Variants in PSMA2 observed in about 807,000 individuals in gnomAD.
PSMA2 encodes the protein proteasome subunit alpha type-2.
A neutral mutation model predicts 35.9 loss-of-function variants in PSMA2; 2 were observed. The ratio of observed to expected loss-of-function variants is 0.06; its 90% CI spans 0.02 to 0.18. The LOEUF (loss-of-function observed/expected upper bound fraction) is 0.18. Among genes scored for constraint, PSMA2 ranks in the 10% least tolerant of loss-of-function variants. The probability of loss-of-function intolerance (pLI) is 1.00; values close to 1 mark genes in which losing one functional copy is unlikely to be tolerated. For missense variants in PSMA2, 126 were observed against 278.8 expected, an observed-to-expected ratio of 0.45 and a Z score of 3.90; for synonymous variants, 97 against 98.2, an observed-to-expected ratio of 0.99 and a Z score of 0.07.
rs1007232184 is a variant in PSMA2 at position 42,923,460 on chromosome 7, C to T, written c.375-54G>A. 1.7e-5 allele frequency: 24 copies of T among 1,404,520 alleles called. No individual in the cohort carries two copies. The South Asian group carries it at 2.9e-4, about 17-fold the overall frequency. The allele number at this position is 1,404,520 out of a possible 1,614,324, so 87.0% of individuals were successfully genotyped here. A position where few individuals can be genotyped will look rare whatever the true frequency, so the allele number is the denominator to read the frequency against. On this transcript the variant is annotated intron_variant, in intron 4 of 7. Coordinates refer to ENST00000223321, the MANE Select transcript of PSMA2 (RefSeq NM_002787.5). ...GCATTTTCATGGTGTTAAAGTCATC[C>T]TCAAGAATTTATCAGTACTCTCAAA...
chr7:42,921,944 G>GA lies in PSMA2; in HGVS notation c.457-14dup, dbSNP rs1399472615. ...CAAAGTAAGCTCCCTAATCAGGAAA[G>GA]AAAGAGTAAAAAACCATATTTTAAA... On this transcript the variant is annotated splice_polypyrimidine_tract_variant and intron_variant, in intron 5 of 7. Coordinates refer to ENST00000223321, the MANE Select transcript of PSMA2 (RefSeq NM_002787.5). The GA allele has an allele frequency of 1.2e-6, 2 of 1,601,720 alleles. No individual in the cohort carries two copies. The highest frequency in any genetic ancestry group is 2.2e-5 in the East Asian group (1 of 44,680).
intron 1 of PSMA2, among the ~76,000 whole-genome samples, chr7:42,928,155 C>A (rs553689025): frequency 1.5e-4 from 23 of 152,272 alleles, no homozygotes; most frequent in South Asian, 6.2e-4. Flanking sequence ...GACTTGAATA[C>A]GCCCTCACTT....
At chr7:42,926,690 A>G (rs1786223214) in intron 2 of PSMA2, 22 bp from the exon 3 acceptor site, 2 of 1,582,372 alleles carry the variant, frequency 1.3e-6, no homozygotes, top group East Asian at 2.3e-5. Flanking sequence ...AGAGAGAGAC[A>G]TAAATGTTTA....
intron 1 of PSMA2, among the ~76,000 whole-genome samples, chr7:42,929,462 C>T (rs113471157): frequency 1.3e-5 from 2 of 152,184 alleles, no homozygotes; most frequent in South Asian, 4.1e-4. Flanking sequence ...ACATACCTAT[C>T]TTTACCACTG....
chr7:42,921,305 C>T (rs1209745594), intron 6 of PSMA2: 2 of 152,178 alleles, frequency 1.3e-5, no homozygotes, highest in Non-Finnish European at 2.9e-5. Context: ...TCTTCAAAAG[C>T]TTGGAGAGTC....
intron 2 of PSMA2, 145 bp from the exon 3 acceptor site, chr7:42,926,813 T>C (rs1786224294): frequency 1.0e-6 from 1 of 994,910 alleles, no homozygotes; most frequent in African/African-American, 1.7e-5. Context: ...TTACCAAAAT[T>C]ACCTAAGAAA....
intron 5 of PSMA2, 44 bp downstream of exon 5, chr7:42,923,281 G>A: frequency 1.4e-6 from 2 of 1,401,442 alleles, no homozygotes; most frequent in Non-Finnish European, 2.0e-6. Context: ...GATATTCAAA[G>A]AGCACTTTTA....
At chr7:42,920,453 CA>C (rs1235561693) in intron 6 of PSMA2, 1 of 152,480 alleles carries the variant, frequency 6.6e-6, no homozygotes, top group East Asian at 1.9e-4. Context: ...TCCCTTAAAG[CA>C]GAATGTCTTT....
chr7:42,922,910 A>T (rs1786147651), intron 5 of PSMA2, among the ~76,000 whole-genome samples: 1 of 152,174 alleles, frequency 6.6e-6, no homozygotes, highest in Non-Finnish European at 1.5e-5. Flanking sequence ...ATTTTTGCAA[A>T]ACACTGAATT....
chr7:42,929,040 C>G (rs589584), intron 1 of PSMA2, among the ~76,000 whole-genome samples: 128,139 of 151,954 alleles, frequency 0.84, 54,266 homozygotes, highest in South Asian at 0.91. Flanking sequence ...TCAAACACCT[C>G]GTCTCAAGCA....
chr7:42,921,774 T>C, intron 6 of PSMA2, 84 bp downstream of exon 6: 1 of 1,116,618 alleles, frequency 9.0e-7, no homozygotes, highest in Admixed American at 2.0e-5. Flanking sequence ...GTTTCTTTAG[T>C]CCCATGATAT....
At chr7:42,931,950 G>A (rs1786320946) in intron 1 of PSMA2, among the ~76,000 whole-genome samples, 168 bp downstream of exon 1, 1 of 152,176 alleles carries the variant, frequency 6.6e-6, no homozygotes, top group Non-Finnish European at 1.5e-5. Flanking sequence ...GGAAGCTCCA[G>A]GAATCCCGGG....
Position 42,927,464 on chromosome 7 carries a change from A to C in PSMA2, c.42-5T>G. 6.2e-7 allele frequency: 1 copy of C among 1,613,388 alleles called. No homozygotes were observed. Among genetic ancestry groups the C allele is most frequent in the Non-Finnish European group, 8.5e-7 (1 of 1,179,318 alleles). ...TGGACAAGTTTACCAGACGGGCTTAAAAGAAACACAGGTATTTGTAAGTTC... is the reference window on the plus strand; with the variant it reads ...TGGACAAGTTTACCAGACGGGCTTACAAGAAACACAGGTATTTGTAAGTTC... On this transcript the variant is annotated splice_region_variant and splice_polypyrimidine_tract_variant and intron_variant, in intron 1 of 7. Transcript: ENST00000223321.
Position 42,917,250 on chromosome 7 carries a change from C to G in PSMA2, c.*324G>C, listed in dbSNP as rs544479332. ...TGCTTTATGGAAACACAGGCAACAT[C>G]TGATAGCGAAGAGGGCATTAAGATT... On this transcript the variant is annotated 3_prime_UTR_variant, in exon 8 of 8. Coordinates refer to ENST00000223321, the MANE Select transcript of PSMA2 (RefSeq NM_002787.5). 4.2e-5 allele frequency: 8 copies of G among 192,064 alleles called. No homozygotes were observed. The East Asian group carries it at 1.1e-3, about 27-fold the overall frequency. The allele number at this position is 192,064 out of a possible 1,614,324, so 11.9% of individuals were successfully genotyped here.
chr7:42,919,319 T>C (rs1340748371), intron 6 of PSMA2: 1 of 590,384 alleles, frequency 1.7e-6, no homozygotes, highest in African/African-American at 1.9e-5. Context: ...TCCCAGGAGA[T>C]GAACTGATGA....
rs891204507 is a variant in PSMA2, at chr7:42,917,066, G to C, written c.*508C>G. 3.6e-4 allele frequency: 55 copies of C among 153,224 alleles called. No homozygotes were observed. Among genetic ancestry groups the C allele is most frequent in the African/African-American group, 1.3e-3 (54 of 41,408 alleles). The allele number at this position is 153,224 out of a possible 1,614,324, so 9.5% of individuals were successfully genotyped here. ...CTATTTGGCTTACCACTCTTCATAG[G>C]CCTAGTACAATCTCATAGAGCACCC... On this transcript the variant is annotated 3_prime_UTR_variant, in exon 8 of 8. Transcript: ENST00000223321.
chr7:42,920,750 G>A (rs189110025), intron 6 of PSMA2: 3 of 152,220 alleles, frequency 2.0e-5, no homozygotes, highest in Non-Finnish European at 4.4e-5. Context: ...TAACCTTAAC[G>A]TTACGTGAAA....
At chr7:42,919,351 T>A (rs921690334) in intron 6 of PSMA2, 80 of 577,362 alleles carry the variant, frequency 1.4e-4, no homozygotes, top group African/African-American at 1.3e-3. Flanking sequence ...AAACACATTA[T>A]CAAGACTATG....
rs1004114883 is a variant in PSMA2, at chr7:42,917,002, A to G, written c.*572T>C. ...AGACACCAACAGGAACCAGCAAACC[A>G]TTGTTTATTTATTTACATAATGTAT... On this transcript the variant is annotated 3_prime_UTR_variant, in exon 8 of 8. Transcript: ENST00000223321. 1 of 152,166 alleles carries G rather than the reference A, an allele frequency of 6.6e-6. No homozygotes were observed. The highest frequency in any genetic ancestry group is 2.4e-5 in the African/African-American group (1 of 41,436). The allele number at this position is 152,166 out of a possible 1,614,324, so 9.4% of individuals were successfully genotyped here.
Sources: gnomAD v4.1 joint callset for allele counts (sites outside exome capture counted in the v4.1 genomes callset) on GRCh38, gnomAD v4.1.1 for gene constraint, MANE v1.5 for transcripts, NCBI Gene and HGNC (gene_info 2026-07-23, HGNC 2026-07-21) for gene names.